The following UVRAG variants were observed in gnomAD, a reference collection of about 807,000 sequenced individuals.
UVRAG encodes the protein UV radiation resistance associated.
UVRAG carries 19 observed loss-of-function variants against 78.0 expected under a neutral mutation model. The observed-to-expected ratio is 0.24, with a 90% CI of 0.17 to 0.36. The LOEUF (loss-of-function observed/expected upper bound fraction) is 0.36. Ranked by LOEUF, UVRAG falls within the 10% of genes least tolerant of loss-of-function variation. UVRAG has a pLI of 1.00. For synonymous variants in UVRAG, 323 were observed against 324.6 expected (o/e 1.00, Z 0.05); for missense variants, 740 against 853.8 (o/e 0.87, Z 1.66).
intron 3 of UVRAG, among the ~76,000 whole-genome samples, chr11:75,878,836 CAGAG>C (rs1946872076): frequency 7.2e-6 from 1 of 138,544 alleles, no homozygotes; most frequent in Non-Finnish European, 1.5e-5. Context: ...AGCTCGGCAT[CAGAG>C]GGAGACCATG....
At chr11:76,089,685 C>G (rs1951659487) in intron 13 of UVRAG, among the ~76,000 whole-genome samples, 1 of 152,068 alleles carries the variant, frequency 6.6e-6, no homozygotes, top group Non-Finnish European at 1.5e-5. Context: ...TGCTTGTTTC[C>G]CAGAGGTAAC....
chr11:75,995,947 G>A (rs942583118), intron 8 of UVRAG, among the ~76,000 whole-genome samples: 3 of 151,994 alleles, frequency 2.0e-5, no homozygotes, highest in African/African-American at 7.2e-5. Flanking sequence ...TTCTCCCTAG[G>A]ATTTATGCTA....
intron 6 of UVRAG, among the ~76,000 whole-genome samples, chr11:75,936,913 C>T (rs559215252): frequency 6.6e-6 from 1 of 152,180 alleles, no homozygotes; most frequent in African/African-American, 2.4e-5. Context: ...CTTAGGCCAC[C>T]ATACCTGGCT....
At chr11:76,007,670 T>G in intron 10 of UVRAG, 49 bp downstream of exon 10, 1 of 1,419,522 alleles carries the variant, frequency 7.0e-7, no homozygotes, top group Non-Finnish European at 9.9e-7. Flanking sequence ...AAAGATGATT[T>G]CTGTATGACA....
At chr11:75,890,156 T>C (rs1439544170) in intron 5 of UVRAG, among the ~76,000 whole-genome samples, 1 of 152,182 alleles carries the variant, frequency 6.6e-6, no homozygotes, top group East Asian at 1.9e-4. Flanking sequence ...GCAGAACTTT[T>C]AAAGGATTTT....
rs762167792 is a variant in UVRAG, at chr11:76,007,585, A to T, written c.963A>T (p.Leu321Phe). The T allele has an allele frequency of 1.2e-6, 2 of 1,613,826 alleles. No individual in the cohort carries two copies. The highest frequency in any genetic ancestry group is 1.7e-6 in the Non-Finnish European group (2 of 1,179,946). ...AGTTGACAATTCGTTGCAGGCAGTTACTCTCTGAGCTTTCCTACATTTACC... is the reference window on the plus strand; with the variant it reads ...AGTTGACAATTCGTTGCAGGCAGTTTCTCTCTGAGCTTTCCTACATTTACC... ...NAQLTIRCRQ[L>F]LSELSYIYPI... Residue 321 changes from leucine (L) to phenylalanine (F), a missense_variant, in exon 10 of 15, where the codon TTA becomes TTT. Leu to Phe is a conservative substitution (Grantham distance 22). Transcript: ENST00000356136.
chr11:76,082,157 C>CA (rs1951506979), intron 13 of UVRAG, among the ~76,000 whole-genome samples: 1 of 152,094 alleles, frequency 6.6e-6, no homozygotes, highest in South Asian at 2.1e-4. Context: ...GGTGGTAACA[C>CA]AGGGGTTTGC....
chr11:75,910,539 CTT>C (rs935961405), intron 5 of UVRAG, among the ~76,000 whole-genome samples: 12 of 124,014 alleles, frequency 9.7e-5, no homozygotes, highest in Non-Finnish European at 8.6e-5. Context: ...TCCTTTTTAT[CTT>C]TTTTTTTTTT....
At chr11:75,905,844 A>G (rs767966360) in intron 5 of UVRAG, among the ~76,000 whole-genome samples, 13 of 151,704 alleles carry the variant, frequency 8.6e-5, no homozygotes, top group Non-Finnish European at 1.3e-4. Context: ...TTGCTGGGTC[A>G]TATTATAATT....
intron 14 of UVRAG, among the ~76,000 whole-genome samples, chr11:76,118,579 C>A (rs900282391): frequency 6.6e-6 from 1 of 152,098 alleles, no homozygotes; most frequent in African/African-American, 2.4e-5. Context: ...GTTTTTTAAT[C>A]ATGAATATGT....
At chr11:75,956,209 A>G (rs928003808) in intron 6 of UVRAG, among the ~76,000 whole-genome samples, 1 of 152,168 alleles carries the variant, frequency 6.6e-6, no homozygotes, top group Non-Finnish European at 1.5e-5. Flanking sequence ...GTTGTTTTCT[A>G]TGAACATTCT....
intron 13 of UVRAG, among the ~76,000 whole-genome samples, chr11:76,077,036 A>T (rs541822230): frequency 5.3e-5 from 8 of 150,132 alleles, no homozygotes; most frequent in African/African-American, 2.0e-4. Flanking sequence ...AAAGATGTCT[A>T]TTGAAAGAAT....
intron 1 of UVRAG, among the ~76,000 whole-genome samples, chr11:75,826,693 C>CT (rs11289695): frequency 0.032 from 4,288 of 133,194 alleles, 78 homozygotes; most frequent in Middle Eastern, 0.06. Context: ...CCATGCCTAT[C>CT]TTTTTTTTTT....
At chr11:75,857,521 G>T (rs867536125) in intron 2 of UVRAG, among the ~76,000 whole-genome samples, 1 of 144,526 alleles carries the variant, frequency 6.9e-6, no homozygotes, top group Non-Finnish European at 1.5e-5. Context: ...ATGGAGTCTC[G>T]CTCTGTTGCC....
intron 12 of UVRAG, among the ~76,000 whole-genome samples, chr11:76,040,479 A>G (rs1291999578): frequency 6.6e-6 from 1 of 151,902 alleles, no homozygotes; most frequent in Non-Finnish European, 1.5e-5. Flanking sequence ...CTCAAAAAAA[A>G]AAAAAAAGGA....
At chr11:75,822,438 A>G (rs998758903) in intron 1 of UVRAG, among the ~76,000 whole-genome samples, 1 of 152,166 alleles carries the variant, frequency 6.6e-6, no homozygotes, top group Non-Finnish European at 1.5e-5. Flanking sequence ...CTATGATTCA[A>G]TTCAATTCTG....
At chr11:76,021,874 C>T (rs1433654965) in intron 12 of UVRAG, among the ~76,000 whole-genome samples, 1 of 152,018 alleles carries the variant, frequency 6.6e-6, no homozygotes, top group Non-Finnish European at 1.5e-5. Context: ...GACAACATGG[C>T]GAGACACTGT....
intron 6 of UVRAG, among the ~76,000 whole-genome samples, chr11:75,939,527 T>C (rs978597963): frequency 6.6e-6 from 1 of 152,172 alleles, no homozygotes; most frequent in Non-Finnish European, 1.5e-5. Flanking sequence ...GCAGTGTTCT[T>C]GAATAACCCC....
chr11:76,112,034 A>G (rs891429312), intron 13 of UVRAG, among the ~76,000 whole-genome samples: 1 of 152,086 alleles, frequency 6.6e-6, no homozygotes, highest in Non-Finnish European at 1.5e-5. Context: ...AATGATCAGA[A>G]TTAGGCAATA....
Sources: gnomAD v4.1 joint callset for allele counts (sites outside exome capture counted in the v4.1 genomes callset) on GRCh38, gnomAD v4.1.1 for gene constraint, MANE v1.5 for transcripts, NCBI Gene and HGNC (gene_info 2026-07-23, HGNC 2026-07-21) for gene names.